CABLES1: variants seen among roughly 807,000 people sequenced by gnomAD.
The protein encoded by CABLES1 is Cdk5 and Abl enzyme substrate 1.
In CABLES1, 36 loss-of-function variants were observed where a neutral mutation model predicts 57.8. The observed-to-expected ratio is 0.62, with a 90% CI of 0.48 to 0.82. The LOEUF is 0.82. Among genes scored for constraint, CABLES1 ranks in the 40% least tolerant of loss-of-function variants. CABLES1 has a pLI of 0.00. For missense variants in CABLES1, 767 were observed against 836.6 expected (o/e 0.92, Z 1.03); for synonymous variants, 374 against 363.0 (o/e 1.03, Z -0.35).
intron 1 of CABLES1, among the ~76,000 whole-genome samples, chr18:23,145,400 C>T (rs540282633): frequency 5.3e-5 from 8 of 152,270 alleles, no homozygotes; most frequent in Admixed American, 5.2e-4. Flanking sequence ...GCTCACACAT[C>T]CTTTTTGTCC....
chr18:23,172,247 G>C (rs951708201), intron 1 of CABLES1, among the ~76,000 whole-genome samples: 1 of 152,224 alleles, frequency 6.6e-6, no homozygotes, highest in Non-Finnish European at 1.5e-5. Flanking sequence ...GGTAGAGACA[G>C]AGTTGGATCT....
chr18:23,157,132 G>C (rs1033278999), intron 1 of CABLES1, among the ~76,000 whole-genome samples: 30 of 152,162 alleles, frequency 2.0e-4, no homozygotes, highest in African/African-American at 7.2e-4. Flanking sequence ...GCTCACACCT[G>C]TAATCCCAGC....
chr18:23,218,791 C>G (rs538142800), intron 4 of CABLES1, among the ~76,000 whole-genome samples: 2 of 152,356 alleles, frequency 1.3e-5, no homozygotes, highest in South Asian at 4.1e-4. Context: ...GGAGGGCTTT[C>G]TATAATACTA....
intron 1 of CABLES1, among the ~76,000 whole-genome samples, chr18:23,163,363 G>A (rs550887556): frequency 6.6e-6 from 1 of 152,276 alleles, no homozygotes; most frequent in African/African-American, 2.4e-5. Context: ...TGTAGATGAT[G>A]TTCAAAGCCA....
At chr18:23,237,032 A>T in intron 6 of CABLES1, 110 bp from the exon 7 acceptor site, 1 of 741,218 alleles carries the variant, frequency 1.3e-6, no homozygotes. Flanking sequence ...TAAGTGCCCT[A>T]AAGCCAGCCT....
At chr18:23,170,202 A>G (rs1294901115) in intron 1 of CABLES1, among the ~76,000 whole-genome samples, 1 of 152,234 alleles carries the variant, frequency 6.6e-6, no homozygotes, top group Non-Finnish European at 1.5e-5. Context: ...GTACTCATGT[A>G]CAAGGGTGTT....
intron 7 of CABLES1, among the ~76,000 whole-genome samples, chr18:23,248,427 C>T (rs1196596634): frequency 6.6e-6 from 1 of 151,798 alleles, no homozygotes; most frequent in East Asian, 1.9e-4. Flanking sequence ...AGGTCTGCAG[C>T]CCCGACCACT....
At position 23,143,789 on chromosome 18, in the gene CABLES1, C is replaced by T. The variant is rs185442092; in HGVS notation, c.845+7182C>T. 1.3e-3 allele frequency among the ~76,000 whole-genome samples: 202 copies of T among 149,658 alleles called. 2 individuals carry two copies. In the East Asian group the frequency reaches 0.03, roughly 22 times the overall value. On this transcript the variant is annotated intron_variant, in intron 1 of 9. Transcript: ENST00000256925. ...TCACAGCCTGGATAATGTGGTGGCC[C>T]GAGGGGCTCCTGGCTTCTGTTTGGA...
chr18:23,243,392 A>G (rs956370325), intron 7 of CABLES1, among the ~76,000 whole-genome samples: 8 of 150,802 alleles, frequency 5.3e-5, no homozygotes, highest in African/African-American at 2.0e-4. Context: ...CTTTAGGTTA[A>G]GTGTTCACAT....
At chr18:23,194,733 T>A (rs2047269745) in intron 3 of CABLES1, among the ~76,000 whole-genome samples, 193 bp downstream of exon 3, 1 of 152,212 alleles carries the variant, frequency 6.6e-6, no homozygotes, top group South Asian at 2.1e-4. Context: ...CTGTAGAGAA[T>A]AATGAATGCT....
chr18:23,222,823 G>A (rs1016052784), intron 4 of CABLES1, among the ~76,000 whole-genome samples: 2 of 152,246 alleles, frequency 1.3e-5, no homozygotes, highest in South Asian at 2.1e-4. Context: ...TCAGGGTCCT[G>A]CTTCTCTCCA....
intron 4 of CABLES1, chr18:23,219,370 G>A (rs1425242310): frequency 4.4e-6 from 2 of 453,528 alleles, no homozygotes; most frequent in African/African-American, 2.0e-5. Flanking sequence ...GAATTCAGAT[G>A]GCAGGATCCG....
At chr18:23,236,631 T>C (rs567972561) in intron 6 of CABLES1, among the ~76,000 whole-genome samples, 1 of 152,324 alleles carries the variant, frequency 6.6e-6, no homozygotes, top group South Asian at 2.1e-4. Context: ...TCTGCCCAAG[T>C]GCTGAGTTCT....
chr18:23,246,552 C>T (rs113326785), intron 7 of CABLES1, among the ~76,000 whole-genome samples: 84,615 of 151,044 alleles, frequency 0.56, 25,552 homozygotes, highest in African/African-American at 0.81. Context: ...CCACCACACC[C>T]GGCTAATTTT....
In CABLES1 at chr18:23,251,532, G is replaced by A. The variant is rs1416239162; in HGVS notation, c.1447-1428G>A. Reference sequence around the variant, plus strand: ...CAAGTATACTCTCGAGGAGGGATGAGATGAACTGGAGGAAACCCAGAAAAA... The same window carrying A: ...CAAGTATACTCTCGAGGAGGGATGAAATGAACTGGAGGAAACCCAGAAAAA... On this transcript the variant is annotated intron_variant, in intron 7 of 9. Coordinates refer to ENST00000256925, the MANE Select transcript of CABLES1 (RefSeq NM_001100619.3). Among the ~76,000 whole-genome samples the A allele has an allele frequency of 7.2e-5, 11 of 152,168 alleles. No individual in the cohort carries two copies. The East Asian group carries it at 1.5e-3, about 21-fold the overall frequency.
chr18:23,196,451 T>C (rs1050000305), intron 3 of CABLES1, among the ~76,000 whole-genome samples: 1 of 152,006 alleles, frequency 6.6e-6, no homozygotes, highest in South Asian at 2.1e-4. Context: ...CTTAGACAGA[T>C]GAAAGTGAGA....
chr18:23,161,607 T>C (rs2047004557), intron 1 of CABLES1, among the ~76,000 whole-genome samples: 1 of 151,020 alleles, frequency 6.6e-6, no homozygotes, highest in Non-Finnish European at 1.5e-5. Context: ...TTATGTATAC[T>C]TCTTTTAAAA....
At chr18:23,206,578 C>T (rs776561367) in intron 3 of CABLES1, among the ~76,000 whole-genome samples, 3 of 152,220 alleles carry the variant, frequency 2.0e-5, no homozygotes, top group Non-Finnish European at 4.4e-5. Flanking sequence ...CCTCATTGTT[C>T]CCACCCATTG....
chr18:23,183,646 C>G (rs1454611160), intron 1 of CABLES1, among the ~76,000 whole-genome samples: 1 of 152,172 alleles, frequency 6.6e-6, no homozygotes, highest in Non-Finnish European at 1.5e-5. Context: ...ATACACACTT[C>G]CATCTGATGA....
Sources: allele counts gnomAD v4.1 joint callset (sites outside exome capture counted in the v4.1 genomes callset), GRCh38; gene constraint gnomAD v4.1.1; transcripts MANE v1.5; gene names NCBI Gene and HGNC (gene_info 2026-07-23, HGNC 2026-07-21).